NFRKB: variants seen among roughly 807,000 people sequenced by gnomAD.
NFRKB encodes the protein nuclear factor related to kappa-B-binding protein.
A neutral mutation model predicts 135.7 loss-of-function variants in NFRKB; 62 were observed. That is an observed-to-expected ratio of 0.46 (90% CI 0.37 to 0.56). NFRKB has a LOEUF of 0.56. Among genes scored for constraint, NFRKB ranks in the 20% least tolerant of loss-of-function variants. The probability of loss-of-function intolerance (pLI) is 0.00; values close to 1 mark genes in which losing one functional copy is unlikely to be tolerated. For missense variants in NFRKB, 1,545 were observed against 1,662.0 expected, an observed-to-expected ratio of 0.93 and a Z score of 1.22; for synonymous variants, 678 against 635.6, an observed-to-expected ratio of 1.07 and a Z score of -1.00.
At chr11:129,887,026 T>C (rs1181591883) in intron 4 of NFRKB, among the ~76,000 whole-genome samples, 1 of 152,226 alleles carries the variant, frequency 6.6e-6, no homozygotes, top group Non-Finnish European at 1.5e-5. Context: ...AAGGCTACTC[T>C]CTCTGGTCAT....
chr11:129,873,861 T>C lies in NFRKB; in HGVS notation c.2434A>G (p.Ser812Gly). 1 of 1,614,112 alleles carries C rather than the reference T, an allele frequency of 6.2e-7. No homozygotes were observed. Among genetic ancestry groups the C allele is most frequent in the Middle Eastern group, 1.6e-4 (1 of 6,062 alleles). The change falls in exon 22 of 27, where the codon AGC becomes GGC. Residue 812 changes from serine to glycine, a missense_variant. Transcript: ENST00000682444. Reference protein sequence around the residue: ...LSQVRVVAQPSLPAVPQQSGG... With the variant: ...LSQVRVVAQPGLPAVPQQSGG... ...GACTGCTGGGGAACAGCAGGAAGGC[T>C]AGGCTGGGCCACCACTCGCACCTGA... is the stretch of plus-strand genomic sequence containing the variant.
chr11:129,882,028 T>A, intron 11 of NFRKB, 58 bp downstream of exon 11: 1 of 1,496,198 alleles, frequency 6.7e-7, no homozygotes, highest in Non-Finnish European at 9.0e-7. Flanking sequence ...TATAGACCAT[T>A]CAGGATTTGA....
At position 129,875,459 on chromosome 11, in the gene NFRKB, C is replaced by T. The variant is rs1330464616; in HGVS notation, c.1752G>A (p.Arg584=). The change falls in exon 18 of 27, where the codon CGG becomes CGA. Residue 584 remains arginine, a synonymous_variant. Coordinates refer to ENST00000682444, the MANE Select transcript of NFRKB (RefSeq NM_001143835.2). ...CATTAGGCAGTCGAGCCGCAGCGTC[C>T]CGAACTGATGACATGAGAAAGCACA... ...PAYVTILSLV[R]DAAARLPNGE... The T allele has an allele frequency of 6.2e-7, 1 of 1,600,396 alleles. No homozygotes were observed. The highest frequency in any genetic ancestry group is 1.1e-5 in the South Asian group (1 of 88,036).
intron 2 of NFRKB, chr11:129,893,818 G>GA (rs1254441703): frequency 6.6e-6 from 1 of 152,390 alleles, no homozygotes; most frequent in Non-Finnish European, 1.5e-5. Context: ...AGGCAGTACT[G>GA]AAACTCAGGT....
chr11:129,865,279 T>A (rs1281098828), intron 25 of NFRKB, among the ~76,000 whole-genome samples, 178 bp from the exon 26 acceptor site: 2 of 152,158 alleles, frequency 1.3e-5, no homozygotes, highest in African/African-American at 4.8e-5. Context: ...CCACTTCCCA[T>A]GGCAGGAGAA....
intron 24 of NFRKB, among the ~76,000 whole-genome samples, chr11:129,866,199 T>A (rs953497820): frequency 4.6e-5 from 7 of 152,158 alleles, no homozygotes; most frequent in Non-Finnish European, 1.0e-4. Flanking sequence ...TTTATCATCC[T>A]CTTTCATGCC....
rs1948659042 is a variant in NFRKB at position 129,874,253 on chromosome 11, G to A, written c.2139C>T (p.Ser713=). The change falls in exon 21 of 27, where the codon TCC becomes TCT. Residue 713 remains serine, a synonymous_variant. Transcript: ENST00000682444. The surrounding 1 kb of genome is among the most constrained non-coding windows in gnomAD (Gnocchi z 4.5). The part of the protein sequence containing the change: ...SEQSQMSLSD[S]SMPPTPVTPV... ...GTGTGACTGGGGTGGGTGGCATACTGGAGTCACTGAGGCTCATCTGGCTCT... is the reference window on the plus strand; with the variant it reads ...GTGTGACTGGGGTGGGTGGCATACTAGAGTCACTGAGGCTCATCTGGCTCT... 1 of 1,517,950 alleles carries A rather than the reference G, an allele frequency of 6.6e-7. No individual in the cohort carries two copies. Among genetic ancestry groups the A allele is most frequent in the Non-Finnish European group, 8.8e-7 (1 of 1,135,524 alleles). 94.0% of individuals were successfully genotyped at this position (1,517,950 alleles called of 1,614,324 possible).
intron 8 of NFRKB, among the ~76,000 whole-genome samples, 195 bp downstream of exon 8, chr11:129,883,875 T>C (rs1048834943): frequency 6.6e-6 from 1 of 152,166 alleles, no homozygotes; most frequent in Non-Finnish European, 1.5e-5. Context: ...AGACACTACA[T>C]TCAGCAGGCC....
intron 1 of NFRKB, among the ~76,000 whole-genome samples, 199 bp downstream of exon 1, chr11:129,895,297 T>C (rs926657103): frequency 6.6e-6 from 1 of 152,152 alleles, no homozygotes; most frequent in African/African-American, 2.4e-5. Flanking sequence ...TCCTCAGAAC[T>C]GCACGGCTCG....
In NFRKB at chr11:129,886,474, A is replaced by G. The variant is rs759691038; in HGVS notation, c.338-30T>C. ...AAAAAATAAAGGTATATATATTTAC[A>G]TCAATCAACAAATATACATCATCAG... On this transcript the variant is annotated intron_variant, in intron 4 of 26. Coordinates refer to ENST00000682444, the MANE Select transcript of NFRKB (RefSeq NM_001143835.2). 10 of 1,598,748 alleles carry G rather than the reference A, an allele frequency of 6.3e-6. No homozygotes were observed. In the East Asian group the frequency reaches 1.3e-4, roughly 21 times the overall value.
intron 23 of NFRKB, among the ~76,000 whole-genome samples, chr11:129,871,414 T>C (rs963076762): frequency 6.6e-6 from 1 of 152,106 alleles, no homozygotes; most frequent in Non-Finnish European, 1.5e-5. Flanking sequence ...ATTATCCTGA[T>C]CCACCGAGTC....
intron 4 of NFRKB, among the ~76,000 whole-genome samples, chr11:129,887,765 C>A (rs539541963): frequency 6.6e-6 from 1 of 152,176 alleles, no homozygotes; most frequent in Non-Finnish European, 1.5e-5. Context: ...AGGCCGGGTG[C>A]GGTGGCTCAC....
intron 5 of NFRKB, among the ~76,000 whole-genome samples, chr11:129,885,841 A>G (rs1434372268): frequency 6.6e-6 from 1 of 152,226 alleles, no homozygotes; most frequent in East Asian, 1.9e-4. Flanking sequence ...ATACTTTTTT[A>G]TACTAGACAT....
chr11:129,866,326 G>A (rs552537020), intron 24 of NFRKB, among the ~76,000 whole-genome samples: 1 of 152,182 alleles, frequency 6.6e-6, no homozygotes, highest in South Asian at 2.1e-4. Context: ...TTCCTTGGAG[G>A]ACAGAGGCTT....
chr11:129,877,103 T>C (rs958003431), intron 16 of NFRKB, among the ~76,000 whole-genome samples: 1 of 152,094 alleles, frequency 6.6e-6, no homozygotes, highest in Admixed American at 6.6e-5. Flanking sequence ...AAGGAGGTAA[T>C]ATGAAGGCAC....
At chr11:129,887,498 C>T (rs1949332850) in intron 4 of NFRKB, among the ~76,000 whole-genome samples, 1 of 152,154 alleles carries the variant, frequency 6.6e-6, no homozygotes, top group African/African-American at 2.4e-5. Context: ...CATATTCCTG[C>T]CGAAAGCCTT....
intron 23 of NFRKB, among the ~76,000 whole-genome samples, chr11:129,872,165 G>A (rs1158910383): frequency 1.3e-5 from 2 of 152,110 alleles, no homozygotes; most frequent in Admixed American, 6.6e-5. Flanking sequence ...CCTGCCTACT[G>A]ATTAGCATAG....
In NFRKB at chr11:129,892,572, G is replaced by T. The variant is rs138513683; in HGVS notation, c.135+143C>A. ...AAATAGACTCTAAACTTAAAAAAAAGATAAGAGATCAGGCTGCCTGCAATG... is the reference window on the plus strand; with the variant it reads ...AAATAGACTCTAAACTTAAAAAAAATATAAGAGATCAGGCTGCCTGCAATG... On this transcript the variant is annotated intron_variant, in intron 3 of 26. Transcript: ENST00000682444. 5.9e-4 allele frequency: 461 copies of T among 779,606 alleles called. 8 individuals carry two copies. The East Asian group carries it at 0.012, about 20-fold the overall frequency. The allele number at this position is 779,606 out of a possible 1,614,324, so 48.3% of individuals were successfully genotyped here. A position where few individuals can be genotyped will look rare whatever the true frequency, so the allele number is the denominator to read the frequency against.
At chr11:129,872,372 A>G (rs1409155424) in intron 23 of NFRKB, among the ~76,000 whole-genome samples, 1 of 152,236 alleles carries the variant, frequency 6.6e-6, no homozygotes, top group Non-Finnish European at 1.5e-5. Context: ...CCTGTAAATA[A>G]TAAGAGTGCC....
Sources: allele counts gnomAD v4.1 joint callset (sites outside exome capture counted in the v4.1 genomes callset), GRCh38; gene constraint gnomAD v4.1.1; non-coding constraint Gnocchi (gnomAD v3.1); transcripts MANE v1.5; gene names NCBI Gene and HGNC (gene_info 2026-07-23, HGNC 2026-07-21).